AGMO: variants seen among roughly 807,000 people sequenced by gnomAD.
AGMO encodes alkylglycerol monooxygenase.
AGMO carries 75 observed loss-of-function variants against 60.2 expected under a neutral mutation model. The ratio of observed to expected loss-of-function variants is 1.25; its 90% CI spans 1.03 to 1.51. AGMO has a LOEUF of 1.51. Ranked by LOEUF, AGMO falls within the 40% of genes most tolerant of loss-of-function variation. The pLI is 0.00. For synonymous variants in AGMO, 261 were observed against 177.1 expected, an observed-to-expected ratio of 1.47 and a Z score of -3.76; for missense variants, 763 against 525.5, an observed-to-expected ratio of 1.45 and a Z score of -4.42.
intron 4 of AGMO, among the ~76,000 whole-genome samples, chr7:15,421,039 T>G (rs1488526613): frequency 1.3e-5 from 2 of 152,126 alleles, no homozygotes; most frequent in East Asian, 3.9e-4. Flanking sequence ...ATTCTCTTAC[T>G]AAGTGAACGT....
intron 3 of AGMO, among the ~76,000 whole-genome samples, chr7:15,500,661 G>A (rs1308304213): frequency 6.6e-6 from 1 of 151,772 alleles, no homozygotes; most frequent in Non-Finnish European, 1.5e-5. Context: ...TCCATCTTTT[G>A]TATGGTTTTC....
At chr7:15,192,444 G>C in the AGMO span, among the ~76,000 whole-genome samples, 1 of 152,000 alleles carries the variant, frequency 6.6e-6, no homozygotes, top group East Asian at 1.9e-4. Context: ...TCCAGGGAAG[G>C]TCATCTTCCC....
intron 12 of AGMO, among the ~76,000 whole-genome samples, chr7:15,260,229 A>G (rs984148913): frequency 1.3e-4 from 20 of 150,754 alleles, no homozygotes; most frequent in African/African-American, 4.4e-4. Context: ...AAAAAAAAAA[A>G]GAATTCACCA....
chr7:15,156,434 A>C, the AGMO span, among the ~76,000 whole-genome samples: 1 of 152,182 alleles, frequency 6.6e-6, no homozygotes, highest in African/African-American at 2.4e-5. Flanking sequence ...CCAGCAGCCA[A>C]TACAAGCTAG....
chr7:15,232,800 C>T (rs562785425), intron 12 of AGMO, among the ~76,000 whole-genome samples: 12 of 115,296 alleles, frequency 1.0e-4, no homozygotes, highest in Non-Finnish European at 1.8e-4. Context: ...CACACACACA[C>T]GCACACACAC....
rs1240423845 is a variant in AGMO at position 15,392,905 on chromosome 7, C to T, written c.676+1208G>A. ...GCCTTAAATGCGCTCAAAGCACTTA[C>T]ATCAGCCTGCAGTCCTAGACAAAAA... On this transcript the variant is annotated intron_variant, in intron 6 of 12. Transcript: ENST00000342526. Among the ~76,000 whole-genome samples, 4 of 152,220 alleles carry T rather than the reference C, an allele frequency of 2.6e-5. 1 individual carries two copies. Among genetic ancestry groups the T allele is most frequent in the Non-Finnish European group, 4.4e-5 (3 of 68,032 alleles).
chr7:15,162,790 A>G, the AGMO span, among the ~76,000 whole-genome samples: 2 of 152,180 alleles, frequency 1.3e-5, no homozygotes, highest in East Asian at 1.9e-4. Context: ...GAAGTCAGAT[A>G]AAGTGATACC....
At chr7:15,154,852 A>G in the AGMO span, among the ~76,000 whole-genome samples, 11 of 152,172 alleles carry the variant, frequency 7.2e-5, no homozygotes, top group Admixed American at 2.6e-4. Flanking sequence ...TCCTTCACCT[A>G]TAAAGCTTAG....
At chr7:15,343,478 T>A (rs1053679882) in intron 12 of AGMO, among the ~76,000 whole-genome samples, 2 of 152,136 alleles carry the variant, frequency 1.3e-5, no homozygotes, top group Non-Finnish European at 2.9e-5. Flanking sequence ...GGAGAAACAG[T>A]TAAAAGATTT....
intron 4 of AGMO, among the ~76,000 whole-genome samples, chr7:15,424,125 T>C (rs894368593): frequency 2.0e-5 from 3 of 152,196 alleles, no homozygotes; most frequent in Non-Finnish European, 4.4e-5. Context: ...ATTTCTTCTA[T>C]GAAGCTTCCC....
chr7:15,418,623 G>C lies in AGMO; in HGVS notation c.544C>G (p.Pro182Ala). The stretch of plus-strand genomic sequence containing the variant: ...AGATGAACAGCATATACTGAAGGGG[G>C]TATGAAGAGGGCCAGGGGAGAGTAG... Reference protein sequence around the residue: ...IFYSPLALFIPPSVYAVHLQF... With the variant: ...IFYSPLALFIAPSVYAVHLQF... Residue 182 changes from proline (P) to alanine (A), a missense_variant, in exon 5 of 13, where the codon CCC (proline) becomes GCC (alanine). Pro to Ala is a conservative substitution (Grantham distance 27, BLOSUM62 -1). Coordinates refer to ENST00000342526, the MANE Select transcript of AGMO (RefSeq NM_001004320.2). 4 of 1,575,760 alleles carry C rather than the reference G, an allele frequency of 2.5e-6. No individual in the cohort carries two copies. The highest frequency in any genetic ancestry group is 2.3e-5 in the East Asian group (1 of 42,852).
intron 3 of AGMO, among the ~76,000 whole-genome samples, chr7:15,530,517 A>G (rs1784279703): frequency 1.4e-5 from 1 of 72,200 alleles, no homozygotes; most frequent in Admixed American, 2.2e-4. Context: ...TTCTATATAT[A>G]TATTCTATAT....
chr7:15,366,039 T>C (rs1336125298), intron 11 of AGMO, 101 bp downstream of exon 11: 5 of 809,342 alleles, frequency 6.2e-6, no homozygotes, highest in African/African-American at 3.6e-5. Context: ...TATTTATTTT[T>C]AAAACTACAC....
At chr7:15,249,692 G>C (rs893704265) in intron 12 of AGMO, among the ~76,000 whole-genome samples, 2 of 152,066 alleles carry the variant, frequency 1.3e-5, no homozygotes, top group East Asian at 3.9e-4. Flanking sequence ...GGATGTGATG[G>C]GGGGGAAATA....
chr7:15,379,638 C>T (rs927660308), intron 10 of AGMO, among the ~76,000 whole-genome samples: 1 of 152,020 alleles, frequency 6.6e-6, no homozygotes, highest in South Asian at 2.1e-4. Context: ...AAAAGCCCAG[C>T]ACCAGACAGA....
the AGMO span, among the ~76,000 whole-genome samples, chr7:15,120,141 C>CA: frequency 6.6e-6 from 1 of 151,942 alleles, no homozygotes; most frequent in Non-Finnish European, 1.5e-5. Context: ...CAAAAAAGAA[C>CA]AAAAAAGCTC....
chr7:15,423,202 AT>A (rs1337884671), intron 4 of AGMO, among the ~76,000 whole-genome samples: 1 of 152,178 alleles, frequency 6.6e-6, no homozygotes, highest in Non-Finnish European at 1.5e-5. Context: ...ATTTAAAAAA[AT>A]GTTCATCCGA....
chr7:15,339,091 G>A (rs1434626346), intron 12 of AGMO, among the ~76,000 whole-genome samples: 1 of 152,136 alleles, frequency 6.6e-6, no homozygotes, highest in Non-Finnish European at 1.5e-5. Flanking sequence ...GGAAACCACT[G>A]CTCTTCTATA....
At chr7:15,218,419 T>C (rs1472179965) in intron 12 of AGMO, among the ~76,000 whole-genome samples, 2 of 151,678 alleles carry the variant, frequency 1.3e-5, no homozygotes, top group African/African-American at 2.4e-5. Flanking sequence ...CTTTTAATGA[T>C]GACTCTTTCA....
Sources: gnomAD v4.1 joint callset for allele counts (sites outside exome capture counted in the v4.1 genomes callset) on GRCh38, gnomAD v4.1.1 for gene constraint, MANE v1.5 for transcripts, NCBI Gene and HGNC (gene_info 2026-07-23, HGNC 2026-07-21) for gene names.